KCNK2: variants seen among roughly 807,000 people sequenced by gnomAD.
KCNK2 encodes the protein potassium two pore domain channel subfamily K member 2, also known as potassium channel subfamily K member 2.
Under a neutral mutation model 40.5 loss-of-function variants are expected in KCNK2, and 21 were observed. The observed-to-expected ratio is 0.52, with a 90% CI of 0.37 to 0.75. KCNK2 has a LOEUF of 0.75. KCNK2 is among the 30% of genes least tolerant of loss of function. The pLI is 0.00. For missense variants in KCNK2, 399 were observed against 531.6 expected (o/e 0.75, Z 2.45); for synonymous variants, 191 against 202.2 (o/e 0.94, Z 0.47).
chr1:215,079,535 C>G (rs1659072538), upstream of KCNK2, among the ~76,000 whole-genome samples: 1 of 152,104 alleles, frequency 6.6e-6, no homozygotes, highest in South Asian at 2.1e-4. Flanking sequence ...TTTTAAGCAA[C>G]CAGATGTCAT....
chr1:215,216,094 C>T (rs1665946044), intron 6 of KCNK2, among the ~76,000 whole-genome samples: 1 of 152,140 alleles, frequency 6.6e-6, no homozygotes, highest in Admixed American at 6.5e-5. Context: ...CAGCTGTGAG[C>T]ATTCACTTAA....
chr1:215,184,104 A>C (rs1354124687), intron 5 of KCNK2, among the ~76,000 whole-genome samples: 1 of 152,126 alleles, frequency 6.6e-6, no homozygotes, highest in Non-Finnish European at 1.5e-5. Flanking sequence ...CTGGGAAAGG[A>C]GGGTGCATCA....
At chr1:215,037,453 A>G (rs537342075) in intron 1 of KCNK2, among the ~76,000 whole-genome samples, 37 of 152,096 alleles carry the variant, frequency 2.4e-4, no homozygotes, top group Non-Finnish European at 4.4e-4. Flanking sequence ...CAGGATTTAT[A>G]GGTCTAAGTT....
At chr1:215,113,170 A>T (rs754959895) in intron 2 of KCNK2, among the ~76,000 whole-genome samples, 4 of 152,212 alleles carry the variant, frequency 2.6e-5, no homozygotes, top group Non-Finnish European at 4.4e-5. Flanking sequence ...TGGATAAAAT[A>T]AAATGTTCAC....
At chr1:215,071,272 C>T (rs942412054) in intron 1 of KCNK2, among the ~76,000 whole-genome samples, 4 of 152,178 alleles carry the variant, frequency 2.6e-5, no homozygotes, top group African/African-American at 7.2e-5. Flanking sequence ...CCTGAATCAA[C>T]ATTTTGTCCT....
intron 1 of KCNK2, among the ~76,000 whole-genome samples, chr1:215,016,611 G>T (rs1213046402): frequency 6.6e-6 from 1 of 152,052 alleles, no homozygotes; most frequent in Non-Finnish European, 1.5e-5. Context: ...AACTCAAATG[G>T]ATTAAAGATT....
chr1:215,147,316 A>G (rs1662464424), intron 3 of KCNK2, among the ~76,000 whole-genome samples: 1 of 152,186 alleles, frequency 6.6e-6, no homozygotes, highest in African/African-American at 2.4e-5. Flanking sequence ...TCTGAAGTGG[A>G]TTTTTAAAGT....
Position 215,083,335 on chromosome 1 carries a change from A to T in KCNK2, c.-51A>T. 6.2e-7 allele frequency: 1 copy of T among 1,614,014 alleles called. No homozygotes were observed. The highest frequency in any genetic ancestry group is 8.5e-7 in the Non-Finnish European group (1 of 1,179,950). On this transcript the variant is annotated 5_prime_UTR_variant, in exon 1 of 7. Transcript: ENST00000444842. ...GAGTACAATGGCGTGTTTGTAAAAA[A>T]AAGCTTCAAGTCCGTCTTTTTCAAA...
At chr1:215,056,233 A>G (rs1658155111) in intron 1 of KCNK2, among the ~76,000 whole-genome samples, 1 of 149,496 alleles carries the variant, frequency 6.7e-6, no homozygotes, top group Non-Finnish European at 1.5e-5. Context: ...GCTTGAACCC[A>G]GGAGAGGGAG....
chr1:215,230,106 C>T lies in KCNK2; in HGVS notation c.964-4722C>T, dbSNP rs371854874. On this transcript the variant is annotated intron_variant, in intron 6 of 6. Transcript: ENST00000444842. ...GTGTGTGTGTATACACACACACACA[C>T]ACACACACACACACACACACACACG... 6.4e-3 allele frequency among the ~76,000 whole-genome samples: 897 copies of T among 140,390 alleles called. 13 individuals are homozygous for T. Among genetic ancestry groups the T allele is most frequent in the East Asian group, 0.038 (183 of 4,854 alleles). 92.1% of individuals were successfully genotyped at this position (140,390 alleles called of 152,430 possible). A position where few individuals can be genotyped will look rare whatever the true frequency, so the allele number is the denominator to read the frequency against.
intron 6 of KCNK2, among the ~76,000 whole-genome samples, chr1:215,195,587 T>G (rs961789773): frequency 1.3e-5 from 2 of 152,156 alleles, no homozygotes; most frequent in Admixed American, 1.3e-4. Context: ...CTGTATGCAT[T>G]ATGGCCGTTT....
intron 1 of KCNK2, among the ~76,000 whole-genome samples, chr1:215,020,125 C>G (rs544381262): frequency 1.3e-5 from 2 of 152,152 alleles, no homozygotes; most frequent in South Asian, 2.1e-4. Context: ...TTTGGTAATT[C>G]GTTAGGTTCC....
At chr1:215,218,681 A>G (rs1666049988) in intron 6 of KCNK2, among the ~76,000 whole-genome samples, 1 of 152,130 alleles carries the variant, frequency 6.6e-6, no homozygotes, top group African/African-American at 2.4e-5. Context: ...CCACGGTAGC[A>G]TCCCTCCTAA....
chr1:215,186,216 C>T (rs1664425847), intron 5 of KCNK2, among the ~76,000 whole-genome samples: 1 of 152,044 alleles, frequency 6.6e-6, no homozygotes, highest in Non-Finnish European at 1.5e-5. Flanking sequence ...CAAGACCAGC[C>T]TGGGCAACAT....
chr1:215,044,603 C>T (rs908299465), intron 1 of KCNK2, among the ~76,000 whole-genome samples: 2 of 151,752 alleles, frequency 1.3e-5, no homozygotes, highest in Non-Finnish European at 2.9e-5. Flanking sequence ...GCAAAGTAAC[C>T]CATTAATTGA....
At chr1:215,050,742 G>A (rs1296369182) in intron 1 of KCNK2, among the ~76,000 whole-genome samples, 1 of 152,144 alleles carries the variant, frequency 6.6e-6, no homozygotes, top group African/African-American at 2.4e-5. Context: ...ACTCTCCCCA[G>A]CAAACTGAGA....
chr1:215,138,114 T>C (rs777011179), intron 3 of KCNK2, among the ~76,000 whole-genome samples: 1 of 152,180 alleles, frequency 6.6e-6, no homozygotes, highest in Non-Finnish European at 1.5e-5. Flanking sequence ...TGTTCCAATG[T>C]AGGTGCTAGC....
chr1:215,133,260 T>C (rs1372347425), intron 3 of KCNK2, among the ~76,000 whole-genome samples: 2 of 152,236 alleles, frequency 1.3e-5, no homozygotes, highest in African/African-American at 2.4e-5. Flanking sequence ...TTTAATCGTC[T>C]GAAAAGCAAT....
In KCNK2 at chr1:215,192,888, C is replaced by T. The variant is rs1344922725; in HGVS notation, c.824-2065C>T. ...TGTCCCAAAAGAAAGCTGAACGATG[C>T]CTATTCAAATTATTTACCTGACAGA... is the stretch of plus-strand genomic sequence containing the variant. On this transcript the variant is annotated intron_variant, in intron 5 of 6. Transcript: ENST00000444842. Among the ~76,000 whole-genome samples the T allele has an allele frequency of 2.6e-5, 4 of 152,152 alleles. No individual in the cohort carries two copies. In the East Asian group the frequency reaches 7.7e-4, roughly 29 times the overall value.
Sources: allele counts gnomAD v4.1 joint callset (sites outside exome capture counted in the v4.1 genomes callset), GRCh38; gene constraint gnomAD v4.1.1; transcripts MANE v1.5; gene names NCBI Gene and HGNC (gene_info 2026-07-23, HGNC 2026-07-21).